The following LARGE1 variants were observed in gnomAD, a reference collection of about 807,000 sequenced individuals.
LARGE1 encodes the protein LARGE xylosyl- and glucuronyltransferase 1.
LARGE1 carries 43 observed loss-of-function variants against 87.6 expected under a neutral mutation model. That is an observed-to-expected ratio of 0.49 (90% confidence interval 0.38 to 0.63). The LOEUF (loss-of-function observed/expected upper bound fraction) is 0.63, where lower values mean the gene tolerates loss of function less well. Among genes scored for constraint, LARGE1 ranks in the 30% least tolerant of loss-of-function variants. The pLI, the probability that LARGE1 is intolerant of heterozygous loss-of-function variation, is 0.00. For missense variants in LARGE1, 802 were observed against 1,000.2 expected, an observed-to-expected ratio of 0.80 and a Z score of 2.67; for synonymous variants, 434 against 394.6, an observed-to-expected ratio of 1.10 and a Z score of -1.18.
intron 2 of LARGE1, among the ~76,000 whole-genome samples, chr22:33,715,032 C>T (rs977351717): frequency 1.6e-4 from 25 of 152,198 alleles, no homozygotes; most frequent in African/African-American, 5.8e-4. Context: ...GAACTCCATG[C>T]TCAATTGATG....
At chr22:33,197,375 T>C (rs1263890748) in intron 11 of LARGE1, among the ~76,000 whole-genome samples, 2 of 151,480 alleles carry the variant, frequency 1.3e-5, no homozygotes, top group African/African-American at 4.9e-5. Context: ...GAAAATGTGA[T>C]TGTTTATATA....
At chr22:33,652,174 C>G (rs1180639918) in intron 2 of LARGE1, among the ~76,000 whole-genome samples, 2 of 151,342 alleles carry the variant, frequency 1.3e-5, no homozygotes, top group African/African-American at 2.4e-5. Flanking sequence ...GACTCTGTCT[C>G]AAAACAAAAA....
At chr22:33,201,485 C>T (rs1308503921) in intron 11 of LARGE1, among the ~76,000 whole-genome samples, 1 of 151,972 alleles carries the variant, frequency 6.6e-6, no homozygotes, top group African/African-American at 2.4e-5. Context: ...TAAGGGGTAA[C>T]TGAAATGGAT....
chr22:33,780,925 G>C (rs1462859207), intron 1 of LARGE1, among the ~76,000 whole-genome samples: 1 of 152,192 alleles, frequency 6.6e-6, no homozygotes, highest in African/African-American at 2.4e-5. Flanking sequence ...AAACACTCTG[G>C]TTAATAAGTG....
At chr22:33,480,134 G>GAGAGTGAAT in intron 6 of LARGE1, among the ~76,000 whole-genome samples, 1 of 152,124 alleles carries the variant, frequency 6.6e-6, no homozygotes, top group Non-Finnish European at 1.5e-5. Context: ...TCAAAGCAAC[G>GAGAGTGAAT]GTGCCTAAAC....
At chr22:33,815,067 A>G (rs1447677071) in intron 1 of LARGE1, among the ~76,000 whole-genome samples, 2 of 152,206 alleles carry the variant, frequency 1.3e-5, no homozygotes, top group Non-Finnish European at 2.9e-5. Context: ...ATAGCCCAGT[A>G]AAGGAGGAGA....
intron 5 of LARGE1, among the ~76,000 whole-genome samples, chr22:33,593,284 C>G (rs1400554203): frequency 6.6e-6 from 1 of 152,138 alleles, no homozygotes; most frequent in Non-Finnish European, 1.5e-5. Flanking sequence ...CTCAAGTGAT[C>G]CACCCACCTC....
intron 1 of LARGE1, among the ~76,000 whole-genome samples, chr22:33,777,308 C>T (rs1031335463): frequency 2.0e-5 from 3 of 151,938 alleles, no homozygotes; most frequent in African/African-American, 7.3e-5. Context: ...GGGAGCCACT[C>T]GAGATTTCCG....
chr22:33,902,057 G>A (rs1601881135), intron 1 of LARGE1, among the ~76,000 whole-genome samples: 1 of 152,314 alleles, frequency 6.6e-6, no homozygotes, highest in East Asian at 1.9e-4. Flanking sequence ...TGATAAAGTG[G>A]AACGATGAAC....
intron 3 of LARGE1, among the ~76,000 whole-genome samples, chr22:33,641,354 A>G (rs1292650156): frequency 6.6e-6 from 1 of 152,200 alleles, no homozygotes; most frequent in African/African-American, 2.4e-5. Context: ...CAACATCAAC[A>G]AATAGGATGC....
At chr22:33,182,106 G>A (rs1413025314) in intron 11 of LARGE1, among the ~76,000 whole-genome samples, 1 of 152,104 alleles carries the variant, frequency 6.6e-6, no homozygotes, top group African/African-American at 2.4e-5. Context: ...ATAGGCGTGA[G>A]CCACCGCACC....
chr22:33,921,423 G>C (rs548658678), upstream of LARGE1, among the ~76,000 whole-genome samples: 2 of 152,016 alleles, frequency 1.3e-5, no homozygotes, highest in African/African-American at 4.8e-5. The surrounding 1 kb of genome is among the most constrained non-coding windows in gnomAD (Gnocchi z 4.1). Context: ...AGAGAGGCTC[G>C]CAGGCTTGCA....
At chr22:33,437,762 G>A (rs1413127985) in intron 6 of LARGE1, among the ~76,000 whole-genome samples, 1 of 152,102 alleles carries the variant, frequency 6.6e-6, no homozygotes, top group Non-Finnish European at 1.5e-5. Flanking sequence ...AAATACTAAG[G>A]AATGAAAGAC....
At chr22:33,570,424 C>T (rs532076469) in intron 5 of LARGE1, among the ~76,000 whole-genome samples, 9 of 151,982 alleles carry the variant, frequency 5.9e-5, no homozygotes, top group East Asian at 3.9e-4. Context: ...ATGAGGCAGG[C>T]GGATCATGAG....
intron 7 of LARGE1, among the ~76,000 whole-genome samples, chr22:33,430,198 CTCTGGTATAGACTAGTTTCT>C (rs2067029290): frequency 6.6e-6 from 1 of 152,206 alleles, no homozygotes; most frequent in Non-Finnish European, 1.5e-5. Context: ...CTTCAGTTTC[CTCTGGTATAGACTAGTTTCT>C]TCTGGTATAG....
At chr22:33,775,519 G>C (rs926167100) in intron 1 of LARGE1, among the ~76,000 whole-genome samples, 36 of 147,198 alleles carry the variant, frequency 2.4e-4, no homozygotes, top group African/African-American at 7.5e-4. Flanking sequence ...ATTTACCCCA[G>C]GGGACATTTG....
At chr22:33,902,534 C>A (rs190150206) in intron 1 of LARGE1, among the ~76,000 whole-genome samples, 42 of 152,326 alleles carry the variant, frequency 2.8e-4, no homozygotes, top group African/African-American at 6.3e-4. Flanking sequence ...AAATCCACAA[C>A]CAGTTCTCAT....
At chr22:33,356,566 GTT>G (rs2146828250) in intron 9 of LARGE1, among the ~76,000 whole-genome samples, 1 of 152,256 alleles carries the variant, frequency 6.6e-6, no homozygotes, top group Admixed American at 6.5e-5. Flanking sequence ...GAAGTCAGGA[GTT>G]TGACGCCAGC....
At chr22:33,581,785 C>T (rs1002401664) in intron 5 of LARGE1, among the ~76,000 whole-genome samples, 1 of 140,022 alleles carries the variant, frequency 7.1e-6, no homozygotes, top group African/African-American at 2.7e-5. Flanking sequence ...GCACTCCAGT[C>T]TGGGTGACAG....
Sources: allele counts gnomAD v4.1 joint callset (sites outside exome capture counted in the v4.1 genomes callset), GRCh38; gene constraint gnomAD v4.1.1; non-coding constraint Gnocchi (gnomAD v3.1); transcripts MANE v1.5; gene names NCBI Gene and HGNC (gene_info 2026-07-23, HGNC 2026-07-21).